TTC28: variants seen among roughly 807,000 people sequenced by gnomAD.
The protein encoded by TTC28 is tetratricopeptide repeat protein 28.
In TTC28, 61 loss-of-function variants were observed where a neutral mutation model predicts 198.0. That is an observed-to-expected ratio of 0.31 (90% CI 0.25 to 0.38). The LOEUF (loss-of-function observed/expected upper bound fraction) is 0.38. Among genes scored for constraint, TTC28 ranks in the 10% least tolerant of loss-of-function variants. The pLI is 1.00. For missense variants in TTC28, 2,678 were observed against 3,164.0 expected (o/e 0.85, Z 3.69); for synonymous variants, 1,171 against 1,297.8 (o/e 0.90, Z 2.10).
chr22:28,544,312 T>C (rs2049489556), intron 2 of TTC28, among the ~76,000 whole-genome samples: 1 of 152,124 alleles, frequency 6.6e-6, no homozygotes, highest in Admixed American at 6.5e-5. Flanking sequence ...AATGAATCAA[T>C]GAACAACAAT....
intron 1 of TTC28, among the ~76,000 whole-genome samples, chr22:28,655,720 G>C (rs986128474): frequency 1.3e-5 from 2 of 152,036 alleles, no homozygotes; most frequent in Admixed American, 6.6e-5. Flanking sequence ...GCGCCGTGGC[G>C]GGCGCCTGTA....
intron 1 of TTC28, among the ~76,000 whole-genome samples, chr22:28,677,467 G>A (rs968021257): frequency 2.0e-5 from 3 of 151,724 alleles, no homozygotes; most frequent in Non-Finnish European, 2.9e-5. Flanking sequence ...GCCAACATAG[G>A]GAAACCCAGT....
At chr22:28,350,576 C>T (rs554980716) in intron 2 of TTC28, among the ~76,000 whole-genome samples, 3 of 152,138 alleles carry the variant, frequency 2.0e-5, no homozygotes, top group South Asian at 2.1e-4. Flanking sequence ...TGGATGGAAC[C>T]GTATTTCTGT....
intron 2 of TTC28, among the ~76,000 whole-genome samples, chr22:28,535,992 C>T (rs899096248): frequency 6.6e-6 from 1 of 151,456 alleles, no homozygotes; most frequent in South Asian, 2.1e-4. Context: ...GGGCAGATCA[C>T]GAGGTCAGGA....
chr22:28,182,508 A>G (rs1226227612), intron 5 of TTC28, among the ~76,000 whole-genome samples: 1 of 152,208 alleles, frequency 6.6e-6, no homozygotes. Flanking sequence ...TGTTTCTGGA[A>G]GGAAGAAACA....
rs1937588322 is a variant in TTC28, at chr22:27,998,403, G to C, written c.5119+137C>G. 30 of 1,353,668 alleles carry C rather than the reference G, an allele frequency of 2.2e-5. 1 individual carries two copies. In the South Asian group the frequency reaches 4.6e-4, roughly 21 times the overall value. The allele number at this position is 1,353,668 out of a possible 1,614,324, so 83.9% of individuals were successfully genotyped here. A position where few individuals can be genotyped will look rare whatever the true frequency, so the allele number is the denominator to read the frequency against. On this transcript the variant is annotated intron_variant, in intron 16 of 22. Coordinates refer to ENST00000397906, the MANE Select transcript of TTC28 (RefSeq NM_001145418.2). ...TGGCAGAAGCAAGACTCAGCACACA[G>C]GCTCTCTCCCTGAGTCTTCTGTGGC...
chr22:28,410,718 C>A (rs959293830), intron 2 of TTC28, among the ~76,000 whole-genome samples: 4 of 151,838 alleles, frequency 2.6e-5, no homozygotes, highest in African/African-American at 9.7e-5. Context: ...TGGTATTCAG[C>A]AAGATTACAA....
chr22:28,463,792 G>A (rs1431100096), intron 2 of TTC28, among the ~76,000 whole-genome samples: 2 of 151,966 alleles, frequency 1.3e-5, no homozygotes, highest in Admixed American at 6.6e-5. Flanking sequence ...GGATAGCATT[G>A]GGAGATATAC....
chr22:28,501,164 TG>T, intron 2 of TTC28, among the ~76,000 whole-genome samples: 1 of 152,280 alleles, frequency 6.6e-6, no homozygotes, highest in African/African-American at 2.4e-5. Context: ...AAAATGTAAC[TG>T]TTCTCAAAGA....
chr22:28,538,497 G>A (rs1173797765), intron 2 of TTC28, among the ~76,000 whole-genome samples: 1 of 151,298 alleles, frequency 6.6e-6, no homozygotes, highest in Non-Finnish European at 1.5e-5. Flanking sequence ...ATTGCTGAAA[G>A]TTGGGTGTGG....
intron 5 of TTC28, among the ~76,000 whole-genome samples, chr22:28,233,960 G>A (rs1415965713): frequency 1.5e-4 from 23 of 150,438 alleles, no homozygotes; most frequent in Admixed American, 1.5e-3. Context: ...AGGCTAGAGT[G>A]CAGCGGCACA....
chr22:28,603,060 T>G (rs1485252775), intron 2 of TTC28, among the ~76,000 whole-genome samples: 1 of 152,222 alleles, frequency 6.6e-6, no homozygotes, highest in Non-Finnish European at 1.5e-5. Flanking sequence ...TTTGTATTTT[T>G]AGTAGAGACG....
At position 28,105,753 on chromosome 22, in the gene TTC28, C is replaced by T. The variant is rs1329803000; in HGVS notation, c.2833G>A (p.Val945Met). The change falls in exon 8 of 23, where the codon GTG becomes ATG. Residue 945 changes from valine (V) to methionine (M), a missense_variant. Transcript: ENST00000397906. ...GCCTCTCCAAGTTCATGAGCAACCA[C>T]GAGCCTCTTTTCAAAGCACACAAGG... ...QALVCFEKRL[V>M]VAHELGEAFN... is the part of the protein sequence containing the mutation. 16 of 1,551,734 alleles carry T rather than the reference C, an allele frequency of 1.0e-5. No individual in the cohort carries two copies. The highest frequency in any genetic ancestry group is 4.1e-5 in the African/African-American group (3 of 73,178).
intron 2 of TTC28, among the ~76,000 whole-genome samples, chr22:28,547,191 T>C (rs1416535859): frequency 6.6e-6 from 1 of 151,714 alleles, no homozygotes; most frequent in Non-Finnish European, 1.5e-5. Flanking sequence ...AAGATCTCTC[T>C]GCATGTGTGT....
intron 2 of TTC28, among the ~76,000 whole-genome samples, chr22:28,503,875 T>C (rs2048568788): frequency 6.6e-6 from 1 of 152,228 alleles, no homozygotes; most frequent in Non-Finnish European, 1.5e-5. Context: ...AGAAAGCGTG[T>C]CAGGTCTACT....
rs563612443 is a variant in TTC28 at position 28,057,743 on chromosome 22, C to A, written c.3933-27377G>T. Among the ~76,000 whole-genome samples the A allele has an allele frequency of 9.3e-4, 142 of 152,114 alleles. 1 individual carries two copies. Among genetic ancestry groups the A allele is most frequent in the African/African-American group, 3.3e-3 (135 of 41,528 alleles). ...ATAGTTTTATTTATTATGTATAAGT[C>A]TATGATCCATCTTGAATTGATTTTT... On this transcript the variant is annotated intron_variant, in intron 12 of 22. Transcript: ENST00000397906.
intron 12 of TTC28, among the ~76,000 whole-genome samples, chr22:28,032,017 C>T (rs1481948649): frequency 6.6e-6 from 1 of 151,550 alleles, no homozygotes; most frequent in African/African-American, 2.4e-5. Context: ...TACTGGCTTT[C>T]CTGGGTCTGC....
At chr22:28,648,150 G>T (rs1601661937) in intron 1 of TTC28, among the ~76,000 whole-genome samples, 2 of 150,770 alleles carry the variant, frequency 1.3e-5, no homozygotes, top group African/African-American at 4.9e-5. Flanking sequence ...CGTGAACCCA[G>T]GAGGCGGAGC....
chr22:28,616,333 T>C (rs187052640), intron 2 of TTC28, among the ~76,000 whole-genome samples: 6 of 152,336 alleles, frequency 3.9e-5, no homozygotes, highest in Admixed American at 3.3e-4. Flanking sequence ...ATTGTGAGTA[T>C]AAAATTGGTA....
Sources: allele counts gnomAD v4.1 joint callset (sites outside exome capture counted in the v4.1 genomes callset), GRCh38; gene constraint gnomAD v4.1.1; transcripts MANE v1.5; gene names NCBI Gene and HGNC (gene_info 2026-07-23, HGNC 2026-07-21).